Variants in ZDHHC1 observed in about 807,000 individuals in gnomAD.
ZDHHC1 encodes the protein zDHHC palmitoyltransferase 1.
A neutral mutation model predicts 46.9 loss-of-function variants in ZDHHC1; 45 were observed. That is an observed-to-expected ratio of 0.96 (90% CI 0.76 to 1.23). The LOEUF (loss-of-function observed/expected upper bound fraction) is 1.23. Among genes scored for constraint, ZDHHC1 ranks in the 50% most tolerant of loss-of-function variants. The pLI, the probability that ZDHHC1 is intolerant of heterozygous loss-of-function variation, is 0.00. For synonymous variants in ZDHHC1, 291 were observed against 286.0 expected (o/e 1.02, Z -0.18); for missense variants, 649 against 670.8 (o/e 0.97, Z 0.36).
chr16:67,406,536 A>C lies in ZDHHC1; in HGVS notation c.10-94T>G. The C allele has an allele frequency of 7.1e-7, 1 of 1,404,452 alleles. No individual in the cohort carries two copies. Among genetic ancestry groups the C allele is most frequent in the Non-Finnish European group, 9.3e-7 (1 of 1,070,102 alleles). 87.0% of individuals were successfully genotyped at this position (1,404,452 alleles called of 1,614,324 possible). A position where few individuals can be genotyped will look rare whatever the true frequency, so the allele number is the denominator to read the frequency against. ...TGCAGCCAAGTTTCAGCACAGGGGG[A>C]GTAGGCTGCGACAGCTACTCTGCTG... On this transcript the variant is annotated intron_variant, in intron 2 of 11. Transcript: ENST00000565726. This position sits in a 1 kb window ranked among gnomAD's most constrained non-coding sequence, Gnocchi z 4.1.
At chr16:67,398,793 G>T in intron 6 of ZDHHC1, 27 bp downstream of exon 6, 1 of 1,612,428 alleles carries the variant, frequency 6.2e-7, no homozygotes, top group Non-Finnish European at 8.5e-7. Context: ...GGTTGGGGGT[G>T]AGAATAGGCC....
intron 8 of ZDHHC1, among the ~76,000 whole-genome samples, chr16:67,398,000 A>C (rs1047522015): frequency 3.9e-5 from 6 of 152,152 alleles, no homozygotes; most frequent in African/African-American, 1.2e-4. Context: ...GCGCCTGGGC[A>C]GGTGTGTACG....
chr16:67,394,793 C>G lies in ZDHHC1; in HGVS notation c.1266G>C (p.Ser422=). The change falls in exon 12 of 12, where the codon TCG becomes TCC. Residue 422 remains serine, a synonymous_variant. Coordinates refer to ENST00000565726, the MANE Select transcript of ZDHHC1 (RefSeq NM_001323627.2). Reference sequence around the variant, plus strand: ...CTGGAATCTCGTCCACGGACTCTGCCGACGCCGAGTGGTAGGCGCCGGCAG... The same window carrying G: ...CTGGAATCTCGTCCACGGACTCTGCGGACGCCGAGTGGTAGGCGCCGGCAG... The part of the protein sequence containing the change: ...AGPAGAYHSA[S]AESVDEIPVA... 6.5e-7 allele frequency: 1 copy of G among 1,535,434 alleles called. No homozygotes were observed. The highest frequency in any genetic ancestry group is 8.7e-7 in the Non-Finnish European group (1 of 1,145,668).
intron 3 of ZDHHC1, among the ~76,000 whole-genome samples, chr16:67,404,986 C>A (rs1201415122): frequency 6.6e-6 from 1 of 152,208 alleles, no homozygotes; most frequent in Non-Finnish European, 1.5e-5. Flanking sequence ...GGAGGAATGT[C>A]CCATGACGCA....
Position 67,394,241 on chromosome 16 carries a change from C to T in ZDHHC1, c.*369G>A, listed in dbSNP as rs1386742901. On this transcript the variant is annotated 3_prime_UTR_variant, in exon 12 of 12. Coordinates refer to ENST00000565726, the MANE Select transcript of ZDHHC1 (RefSeq NM_001323627.2). ...AAAGCCCATCTTTAAGAAAAATAAC[C>T]TCCTCCAGGCCGCCTTCTAAGGCCT... Among the ~76,000 whole-genome samples, 2 of 152,196 alleles carry T rather than the reference C, an allele frequency of 1.3e-5. No individual in the cohort carries two copies. Among genetic ancestry groups the T allele is most frequent in the Non-Finnish European group, 2.9e-5 (2 of 68,030 alleles).
rs141221661 is a variant in ZDHHC1 at position 67,408,547 on chromosome 16, C to T, written c.-38-734G>A. ...TGTCACCCAGGCTGGAGTGCCGTGG[C>T]GCAATGATAGCTCACTGAAGCTTCA... On this transcript the variant is annotated intron_variant, in intron 1 of 11. Coordinates refer to ENST00000565726, the MANE Select transcript of ZDHHC1 (RefSeq NM_001323627.2). 1.9e-3 allele frequency among the ~76,000 whole-genome samples: 283 copies of T among 152,254 alleles called. 1 individual carries two copies. The highest frequency in any genetic ancestry group is 6.4e-3 in the African/African-American group (267 of 41,528).
chr16:67,398,162 G>A, intron 8 of ZDHHC1, 50 bp downstream of exon 8: 2 of 1,575,442 alleles, frequency 1.3e-6, no homozygotes, highest in Non-Finnish European at 1.7e-6. Flanking sequence ...TCGCTGCACA[G>A]CCCAACACCC....
At position 67,401,436 on chromosome 16, in the gene ZDHHC1, A is replaced by AGGCCCT. The variant is rs2040551742; in HGVS notation, c.253-310_253-305dup. Among the ~76,000 whole-genome samples the AGGCCCT allele has an allele frequency of 6.6e-6, 1 of 152,236 alleles. No homozygotes were observed. Among genetic ancestry groups the AGGCCCT allele is most frequent in the Non-Finnish European group, 1.5e-5 (1 of 68,040 alleles). ...GGCCTCACTGCTCCAGGCCTGGTGC[A>AGGCCCT]GGCCCTGGCTGGTCTGACCTCAGGC... On this transcript the variant is annotated intron_variant, in intron 3 of 11. Transcript: ENST00000565726. This position sits in a 1 kb window ranked among gnomAD's most constrained non-coding sequence, Gnocchi z 4.6.
At position 67,398,342 on chromosome 16, in the gene ZDHHC1, G is replaced by C. The variant is rs369872074; in HGVS notation, c.815-18C>G. On this transcript the variant is annotated intron_variant, in intron 7 of 11. Coordinates refer to ENST00000565726, the MANE Select transcript of ZDHHC1 (RefSeq NM_001323627.2). ...GTGCCACACTGGTGGGGGGAGGAGA[G>C]GGCTCAGTGCGGTGGAAGGGGGACT... 8.7e-6 allele frequency: 14 copies of C among 1,609,060 alleles called. No individual in the cohort carries two copies. Among genetic ancestry groups the C allele is most frequent in the Non-Finnish European group, 1.2e-5 (14 of 1,177,370 alleles).
rs149730258 is a variant in ZDHHC1 at position 67,411,851 on chromosome 16, G to A, written c.-38-4038C>T. Among the ~76,000 whole-genome samples the A allele has an allele frequency of 5.3e-3, 813 of 152,310 alleles. 4 individuals are homozygous for A. Among genetic ancestry groups the A allele is most frequent in the African/African-American group, 0.018 (757 of 41,564 alleles). ...AAGGGGGCCGGGCGCGGTGGCTCACGCCTGTAATCCCCACACTTTGGGAGG... is the reference window on the plus strand; with the variant it reads ...AAGGGGGCCGGGCGCGGTGGCTCACACCTGTAATCCCCACACTTTGGGAGG... On this transcript the variant is annotated intron_variant, in intron 1 of 11. Transcript: ENST00000565726.
chr16:67,414,817 T>A (rs72790333), intron 1 of ZDHHC1, among the ~76,000 whole-genome samples: 1 of 152,372 alleles, frequency 6.6e-6, no homozygotes, highest in Non-Finnish European at 1.5e-5. Flanking sequence ...CTTCCCGGTA[T>A]GTCTGTCACA....
intron 10 of ZDHHC1, 50 bp from the exon 11 acceptor site, chr16:67,395,112 G>A: frequency 6.2e-7 from 1 of 1,613,254 alleles, no homozygotes; most frequent in Non-Finnish European, 8.5e-7. Context: ...AAAAGAAGCA[G>A]AGGCGAGCGC....
Position 67,394,862 on chromosome 16 carries a change from C to T in ZDHHC1, c.1197G>A (p.Ser399=), listed in dbSNP as rs906861121. The T allele has an allele frequency of 1.9e-6, 3 of 1,565,890 alleles. No individual in the cohort carries two copies. The highest frequency in any genetic ancestry group is 2.6e-6 in the Non-Finnish European group (3 of 1,158,266). The change falls in exon 12 of 12, where the codon TCG becomes TCA. Residue 399 remains serine, a synonymous_variant. Coordinates refer to ENST00000565726, the MANE Select transcript of ZDHHC1 (RefSeq NM_001323627.2). ...GPRAPSRRSS[S]STDSADASPV... ...GGCTGGCGTCCGCGGAATCCGTCGA[C>T]GAGCTGGAGCGGCGGCTGGGGGCCC...
intron 1 of ZDHHC1, among the ~76,000 whole-genome samples, chr16:67,413,684 A>T (rs2040786364): frequency 6.6e-6 from 1 of 152,214 alleles, no homozygotes; most frequent in Non-Finnish European, 1.5e-5. Context: ...TCATGCCTGT[A>T]ATCCCAGAAC....
At chr16:67,399,614 G>A (rs1052349273) in intron 4 of ZDHHC1, among the ~76,000 whole-genome samples, 158 bp from the exon 5 acceptor site, 2 of 152,176 alleles carry the variant, frequency 1.3e-5, no homozygotes, top group South Asian at 4.1e-4. Context: ...CTCTGCAGGC[G>A]CTGCGGGGTG....
intron 5 of ZDHHC1, 21 bp downstream of exon 5, chr16:67,399,334 G>C (rs1159891629): frequency 1.3e-6 from 2 of 1,598,038 alleles, no homozygotes; most frequent in South Asian, 2.2e-5. Context: ...CCAGGCCCGC[G>C]TGCGGCCGGG....
At chr16:67,413,359 G>T (rs973042080) in intron 1 of ZDHHC1, among the ~76,000 whole-genome samples, 10 of 152,254 alleles carry the variant, frequency 6.6e-5, no homozygotes, top group South Asian at 2.1e-4. Context: ...TACCTAAAGG[G>T]AAGCTAGAAA....
chr16:67,407,433 G>A (rs2040681531), intron 2 of ZDHHC1, among the ~76,000 whole-genome samples: 1 of 152,242 alleles, frequency 6.6e-6, no homozygotes, highest in East Asian at 1.9e-4. Context: ...CCCTGCCCAT[G>A]AGACAGGGAA....
chr16:67,406,380 C>G lies in ZDHHC1; in HGVS notation c.72G>C (p.Pro24=). The change falls in exon 3 of 12, where the codon CCG becomes CCC. Residue 24 remains proline, a synonymous_variant. Coordinates refer to ENST00000565726, the MANE Select transcript of ZDHHC1 (RefSeq NM_001323627.2). This position sits in a 1 kb window ranked among gnomAD's most constrained non-coding sequence, Gnocchi z 4.1. ...TAPEKSVWTA[P]AQPSGPSPEL... ...CAGGGGAGGGTCCGCTGGGCTGTGC[C>G]GGTGCCGTCCACACACTCTTCTCAG... is the stretch of plus-strand genomic sequence containing the variant. The G allele has an allele frequency of 6.3e-7, 1 of 1,579,196 alleles. No individual in the cohort carries two copies.
Sources: allele counts gnomAD v4.1 joint callset (sites outside exome capture counted in the v4.1 genomes callset), GRCh38; gene constraint gnomAD v4.1.1; non-coding constraint Gnocchi (gnomAD v3.1); transcripts MANE v1.5; gene names NCBI Gene and HGNC (gene_info 2026-07-23, HGNC 2026-07-21).